Variants in MBOAT2 observed in about 807,000 individuals in gnomAD.
MBOAT2 encodes membrane-bound glycerophospholipid O-acyltransferase 2.
MBOAT2 carries 28 observed loss-of-function variants against 63.4 expected under a neutral mutation model. That is an observed-to-expected ratio of 0.44 (90% CI 0.33 to 0.61). MBOAT2 has a LOEUF of 0.61. Ranked by LOEUF, MBOAT2 falls within the 20% of genes least tolerant of loss-of-function variation. The pLI, the probability that MBOAT2 is intolerant of heterozygous loss-of-function variation, is 0.03. For missense variants in MBOAT2, 470 were observed against 605.8 expected (o/e 0.78, Z 2.35); for synonymous variants, 211 against 215.6 (o/e 0.98, Z 0.19).
intron 5 of MBOAT2, among the ~76,000 whole-genome samples, chr2:8,884,335 G>A (rs1288748147): frequency 2.7e-5 from 4 of 149,686 alleles, no homozygotes; most frequent in Admixed American, 2.7e-4. Flanking sequence ...TTTATAATCA[G>A]GAGGAAAAAA....
chr2:8,948,801 A>C (rs1314099030), intron 2 of MBOAT2, among the ~76,000 whole-genome samples: 1 of 152,194 alleles, frequency 6.6e-6, no homozygotes, highest in Non-Finnish European at 1.5e-5. Context: ...TGCGATTAAC[A>C]GGGAAATGCA....
At chr2:8,971,072 C>A (rs975439801) in intron 1 of MBOAT2, among the ~76,000 whole-genome samples, 2 of 152,104 alleles carry the variant, frequency 1.3e-5, no homozygotes, top group Admixed American at 6.6e-5. Context: ...AAAAAAGAGA[C>A]TTTTAGACCA....
Position 8,858,882 on chromosome 2 carries a change from T to C in MBOAT2, c.1360A>G (p.Ile454Val), listed in dbSNP as rs150735455. ...AACAATAATACTAAGATACCAAGAATGTGCAGGCAATAATACCAGGAGCTA... is the reference window on the plus strand; with the variant it reads ...AACAATAATACTAAGATACCAAGAACGTGCAGGCAATAATACCAGGAGCTA... ...FYSSWYYCLH[I>V]LGILVLLLLP... The change falls in exon 13 of 13, where the codon ATT becomes GTT. Residue 454 changes from isoleucine (I) to valine (V), a missense_variant. Around this residue, in one of 3 missense-constraint regions of MBOAT2, gnomAD observed 90 missense variants for 84.9 expected, o/e 1.06. Transcript: ENST00000305997. 1.2e-6 allele frequency: 2 copies of C among 1,611,168 alleles called. No homozygotes were observed. The highest frequency in any genetic ancestry group is 2.7e-5 in the African/African-American group (2 of 74,776).
In MBOAT2 at chr2:8,876,965, T is replaced by C. The variant is rs115003459; in HGVS notation, c.690+65A>G. Reference sequence around the variant, plus strand: ...GATAAGTTCACAATGTGAAAATATTTGTATCTTTAAATAAGACTAACCAAT... The same window carrying C: ...GATAAGTTCACAATGTGAAAATATTCGTATCTTTAAATAAGACTAACCAAT... On this transcript the variant is annotated intron_variant, in intron 7 of 12. Coordinates refer to ENST00000305997, the MANE Select transcript of MBOAT2 (RefSeq NM_138799.4). The C allele has an allele frequency of 1.3e-3, 1,848 of 1,414,926 alleles. 26 individuals carry two copies. The African/African-American group carries it at 0.025, about 19-fold the overall frequency. 87.6% of individuals were successfully genotyped at this position (1,414,926 alleles called of 1,614,324 possible). A position where few individuals can be genotyped will look rare whatever the true frequency, so the allele number is the denominator to read the frequency against.
intron 1 of MBOAT2, among the ~76,000 whole-genome samples, chr2:8,998,557 T>G (rs1672466884): frequency 6.6e-6 from 1 of 151,468 alleles, no homozygotes; most frequent in African/African-American, 2.4e-5. Flanking sequence ...ACTACCCTTT[T>G]CCATAACATC....
chr2:8,933,455 C>T (rs780951043), intron 3 of MBOAT2, among the ~76,000 whole-genome samples: 59 of 152,260 alleles, frequency 3.9e-4, no homozygotes, highest in Admixed American at 1.7e-3. Flanking sequence ...TTCAGCAATC[C>T]TCCTGCCCTC....
chr2:8,982,868 C>T (rs1354339894), intron 1 of MBOAT2, among the ~76,000 whole-genome samples: 2 of 152,182 alleles, frequency 1.3e-5, no homozygotes, highest in African/African-American at 4.8e-5. Context: ...TCCCAATTTC[C>T]TAATTACTTT....
At chr2:8,876,867 A>C in intron 7 of MBOAT2, 163 bp downstream of exon 7, 1 of 605,844 alleles carries the variant, frequency 1.7e-6, no homozygotes, top group Non-Finnish European at 2.7e-6. Context: ...TTGTGTTCTT[A>C]ATCATGACTG....
intron 6 of MBOAT2, among the ~76,000 whole-genome samples, chr2:8,881,496 T>C (rs750666947): frequency 6.6e-6 from 1 of 152,184 alleles, no homozygotes; most frequent in Non-Finnish European, 1.5e-5. Context: ...CTACTCAGCA[T>C]TCTTCCCCTG....
At chr2:8,978,705 C>T (rs1670998765) in intron 1 of MBOAT2, among the ~76,000 whole-genome samples, 1 of 152,060 alleles carries the variant, frequency 6.6e-6, no homozygotes, top group Non-Finnish European at 1.5e-5. Flanking sequence ...GGACAAATAG[C>T]TAATGCATCG....
At chr2:8,948,203 A>C (rs1478821733) in intron 2 of MBOAT2, among the ~76,000 whole-genome samples, 2 of 152,232 alleles carry the variant, frequency 1.3e-5, no homozygotes, top group Non-Finnish European at 2.9e-5. Flanking sequence ...GTGACTGATT[A>C]CTGCAATCTC....
intron 3 of MBOAT2, among the ~76,000 whole-genome samples, chr2:8,941,061 G>A (rs189686114): frequency 6.7e-6 from 1 of 149,744 alleles, no homozygotes; most frequent in African/African-American, 2.5e-5. Context: ...AAAGGCCTAA[G>A]CAGAAAAAAA....
At position 8,882,516 on chromosome 2, in the gene MBOAT2, A is replaced by T; in HGVS notation, c.501T>A (p.Ala167=). 6.2e-7 allele frequency: 1 copy of T among 1,614,234 alleles called. No individual in the cohort carries two copies. The highest frequency in any genetic ancestry group is 8.5e-7 in the Non-Finnish European group (1 of 1,180,028). ...EELTSSQRDL[A]VRRMPSLLEY... The stretch of plus-strand genomic sequence containing the variant: ...TAGGATGCAAAGGCACGTACCTTAC[A>T]GCTAAATCCCTCTGTGAGGAAGTCA... The change falls in exon 6 of 13, where the codon GCT becomes GCA. Residue 167 remains alanine, a synonymous_variant. Transcript: ENST00000305997.
At chr2:8,979,261 T>G (rs1020647443) in intron 1 of MBOAT2, among the ~76,000 whole-genome samples, 1 of 152,182 alleles carries the variant, frequency 6.6e-6, no homozygotes, top group East Asian at 1.9e-4. Flanking sequence ...GGATCAGTGG[T>G]ATCTTGCCTT....
At chr2:8,988,000 A>G (rs1671680662) in intron 1 of MBOAT2, among the ~76,000 whole-genome samples, 1 of 152,228 alleles carries the variant, frequency 6.6e-6, no homozygotes, top group African/African-American at 2.4e-5. Context: ...TATATAACAC[A>G]TTACTGAAAA....
At chr2:8,860,519 T>C (rs1180480381) in intron 12 of MBOAT2, 94 bp downstream of exon 12, 1 of 1,234,344 alleles carries the variant, frequency 8.1e-7, no homozygotes, top group Non-Finnish European at 1.2e-6. Flanking sequence ...GAAATGTGGC[T>C]ATGGTACTGT....
intron 3 of MBOAT2, among the ~76,000 whole-genome samples, chr2:8,939,643 C>T (rs1273767874): frequency 1.3e-5 from 2 of 152,164 alleles, no homozygotes; most frequent in East Asian, 1.9e-4. Context: ...AACGGGCTTC[C>T]GTGGCTGCTT....
At chr2:8,991,192 A>T (rs924834418) in intron 1 of MBOAT2, among the ~76,000 whole-genome samples, 1 of 152,192 alleles carries the variant, frequency 6.6e-6, no homozygotes, top group Non-Finnish European at 1.5e-5. Flanking sequence ...AAAAATCAAT[A>T]TACACTTTCT....
At position 8,858,737 on chromosome 2, in the gene MBOAT2, T is replaced by C. The variant is rs763791764; in HGVS notation, c.1505A>G (p.Asn502Ser). 3.7e-6 allele frequency: 6 copies of C among 1,613,872 alleles called. No individual in the cohort carries two copies. The highest frequency in any genetic ancestry group is 4.2e-6 in the Non-Finnish European group (5 of 1,179,986). Residue 502 changes from asparagine (N) to serine (S), a missense_variant, in exon 13 of 13, where the codon AAC becomes AGC. Physicochemically the swap from Asn to Ser is conservative, Grantham distance 46. Around this residue, in one of 3 missense-constraint regions of MBOAT2, gnomAD observed 90 missense variants for 84.9 expected, o/e 1.06. Coordinates refer to ENST00000305997, the MANE Select transcript of MBOAT2 (RefSeq NM_138799.4). The part of the protein sequence containing the change: ...SLGQNSFSTT[N>S]NVCNQNQEIA... ...TTCTTGATTCTGATTGCAAACATTG[T>C]TTGTTGTAGAAAAACTGTTCTGTCC...
Sources: gnomAD v4.1 joint callset for allele counts (sites outside exome capture counted in the v4.1 genomes callset) on GRCh38, gnomAD v4.1.1 for gene constraint, gnomAD v4.1.1 regional missense constraint, MANE v1.5 for transcripts, NCBI Gene and HGNC (gene_info 2026-07-23, HGNC 2026-07-21) for gene names.